Variants in RAVER2 observed in about 807,000 individuals in gnomAD.
RAVER2 encodes ribonucleoprotein, PTB binding 2.
In RAVER2, 46 loss-of-function variants were observed where a neutral mutation model predicts 78.1. That is an observed-to-expected ratio of 0.59 (90% CI 0.46 to 0.75). The LOEUF is 0.75. Ranked by LOEUF, RAVER2 falls within the 30% of genes least tolerant of loss-of-function variation. The pLI is 0.00. For missense variants in RAVER2, 793 were observed against 837.5 expected, an observed-to-expected ratio of 0.95 and a Z score of 0.66; for synonymous variants, 311 against 313.3, an observed-to-expected ratio of 0.99 and a Z score of 0.08.
chr1:64,807,464 T>G (rs370892890), exon 9 of RAVER2: 1 of 1,613,810 alleles, frequency 6.2e-7, no homozygotes, highest in Non-Finnish European at 8.5e-7. Context: ...GGCACAGAGA[T>G]AAGTTCAGGG....
chr1:64,764,855 C>T (rs997968500), intron 1 of RAVER2, among the ~76,000 whole-genome samples: 1 of 152,206 alleles, frequency 6.6e-6, no homozygotes, highest in Non-Finnish European at 1.5e-5. Context: ...AAGTCCTCCT[C>T]TCCCCAACAT....
intron 1 of RAVER2, among the ~76,000 whole-genome samples, chr1:64,754,046 A>G (rs1166110191): frequency 1.3e-5 from 2 of 152,140 alleles, no homozygotes; most frequent in East Asian, 1.9e-4. Context: ...GATGTCTATA[A>G]TAATAATAAC....
chr1:64,812,473 A>G (rs572191077), intron 9 of RAVER2, among the ~76,000 whole-genome samples: 9 of 152,070 alleles, frequency 5.9e-5, no homozygotes, highest in African/African-American at 2.2e-4. Context: ...TCTTGTGAAG[A>G]TGAATTCTTT....
chr1:64,759,107 ATTTTC>A (rs1651937444), intron 1 of RAVER2, among the ~76,000 whole-genome samples: 1 of 151,744 alleles, frequency 6.6e-6, no homozygotes, highest in East Asian at 1.9e-4. Context: ...CTATGTAAGT[ATTTTC>A]TTTTGAAGAA....
In RAVER2 at chr1:64,745,210, G is replaced by A. The variant is rs1651488663; in HGVS notation, c.38G>A (p.Gly13Asp). 13 of 1,055,358 alleles carry A rather than the reference G, an allele frequency of 1.2e-5. No individual in the cohort carries two copies. Among genetic ancestry groups the A allele is most frequent in the Admixed American group, 1.1e-4 (2 of 18,080 alleles). The allele number at this position is 1,055,358 out of a possible 1,614,324, so 65.4% of individuals were successfully genotyped here. ...GCGGGAGACGGCGGCGGCGAGGGGG[G>A]CGCGGGCCTGGGCAGCGCGGCGGGG... Residue 13 changes from glycine (G) to aspartate (D), a missense_variant, in exon 1 of 12, where the codon GGC becomes GAC. Coordinates refer to ENST00000294428, the Ensembl canonical transcript of RAVER2. The surrounding 1 kb of genome is among the most constrained non-coding windows in gnomAD (Gnocchi z 4.3).
intron 3 of RAVER2, among the ~76,000 whole-genome samples, chr1:64,779,316 C>G (rs978501792): frequency 7.9e-5 from 12 of 152,186 alleles, no homozygotes; most frequent in Admixed American, 6.5e-4. Flanking sequence ...CTAGTATCCA[C>G]TATACTTCTT....
chr1:64,831,124 G>C (rs1240735280), exon 12 of RAVER2: 1 of 861,532 alleles, frequency 1.2e-6, no homozygotes, highest in Admixed American at 2.9e-5. Context: ...TTGTGCAGCA[G>C]GCAGAAATGC....
chr1:64,807,639 G>A lies in RAVER2; in HGVS notation c.1680+165G>A, dbSNP rs1267116104. ...AACATTGCATTCTTTTAAAAAATCTGTTATAAATAAAGCAAACAAAAAATC... is the reference window on the plus strand; with the variant it reads ...AACATTGCATTCTTTTAAAAAATCTATTATAAATAAAGCAAACAAAAAATC... On this transcript the variant is annotated intron_variant, in intron 9 of 11. Coordinates refer to ENST00000294428, the Ensembl canonical transcript of RAVER2. 2.7e-5 allele frequency among the ~76,000 whole-genome samples: 3 copies of A among 112,900 alleles called. No homozygotes were observed. The East Asian group carries it at 8.5e-4, about 32-fold the overall frequency. 74.1% of individuals were successfully genotyped at this position (112,900 alleles called of 152,430 possible).
intron 1 of RAVER2, among the ~76,000 whole-genome samples, chr1:64,766,071 C>G (rs1363524926): frequency 6.6e-6 from 1 of 152,098 alleles, no homozygotes; most frequent in Non-Finnish European, 1.5e-5. Flanking sequence ...GATCGTCTCT[C>G]CAGAAAGCAT....
At chr1:64,832,208 A>G (rs1002976013) in exon 12 of RAVER2, 5 of 152,756 alleles carry the variant, frequency 3.3e-5, no homozygotes, top group South Asian at 2.1e-4. Flanking sequence ...AAAGCAGTCA[A>G]TACTGCACTT....
At chr1:64,768,136 G>A (rs528616184) in intron 1 of RAVER2, among the ~76,000 whole-genome samples, 9 of 151,910 alleles carry the variant, frequency 5.9e-5, no homozygotes, top group African/African-American at 2.2e-4. Context: ...AGCATCTACA[G>A]GTGTATTACT....
At chr1:64,781,427 A>G in exon 4 of RAVER2, 1 of 1,613,494 alleles carries the variant, frequency 6.2e-7, no homozygotes, top group South Asian at 1.1e-5. Flanking sequence ...CAGTGGTTGA[A>G]TATAGCACTG....
intron 11 of RAVER2, among the ~76,000 whole-genome samples, chr1:64,819,324 A>T (rs1173876400): frequency 1.3e-5 from 2 of 152,176 alleles, no homozygotes; most frequent in Non-Finnish European, 2.9e-5. Flanking sequence ...AAAATTTTGG[A>T]ACTGAAAACT....
chr1:64,749,040 A>G (rs918132616), intron 1 of RAVER2, among the ~76,000 whole-genome samples: 7 of 150,948 alleles, frequency 4.6e-5, no homozygotes, highest in South Asian at 2.1e-4. Context: ...TCGTATCTCT[A>G]TGTTGCCTAG....
chr1:64,820,295 G>A (rs866098128), intron 11 of RAVER2, among the ~76,000 whole-genome samples: 22 of 151,844 alleles, frequency 1.4e-4, no homozygotes, highest in Admixed American at 2.6e-4. Context: ...AAAACAACTA[G>A]GTCTAATAAA....
At chr1:64,825,484 T>C (rs1426916801) in intron 11 of RAVER2, among the ~76,000 whole-genome samples, 5 of 152,360 alleles carry the variant, frequency 3.3e-5, no homozygotes, top group African/African-American at 9.6e-5. Flanking sequence ...AAGGGCTACC[T>C]GCTAGATGCT....
chr1:64,763,085 A>G (rs995752123), intron 1 of RAVER2, among the ~76,000 whole-genome samples: 3 of 151,936 alleles, frequency 2.0e-5, no homozygotes, highest in South Asian at 2.1e-4. Context: ...CAAGGCGGGC[A>G]GATCATGAGG....
At chr1:64,796,140 G>A (rs1653090218) in intron 5 of RAVER2, among the ~76,000 whole-genome samples, 1 of 151,380 alleles carries the variant, frequency 6.6e-6, no homozygotes. Context: ...ACCTCACTTA[G>A]TCATGTTATA....
At chr1:64,807,375 T>A in exon 9 of RAVER2, 1 of 1,614,152 alleles carries the variant, frequency 6.2e-7, no homozygotes, top group Non-Finnish European at 8.5e-7. Flanking sequence ...GGTCGCAGCC[T>A]TATCTTCAGA....
Sources: gnomAD v4.1 joint callset for allele counts (sites outside exome capture counted in the v4.1 genomes callset) on GRCh38, gnomAD v4.1.1 for gene constraint, Gnocchi (gnomAD v3.1) non-coding constraint, MANE v1.5 for transcripts, NCBI Gene and HGNC (gene_info 2026-07-23, HGNC 2026-07-21) for gene names.